Variants in ZBTB7C observed in about 807,000 individuals in gnomAD.
ZBTB7C encodes the protein zinc finger and BTB domain-containing protein 7C.
ZBTB7C carries 8 observed loss-of-function variants against 25.7 expected under a neutral mutation model. The observed-to-expected ratio is 0.31, with a 90% confidence interval of 0.18 to 0.56. The LOEUF (loss-of-function observed/expected upper bound fraction) is 0.56. Among genes scored for constraint, ZBTB7C ranks in the 20% least tolerant of loss-of-function variants. The pLI is 0.91. For synonymous variants in ZBTB7C, 394 were observed against 369.0 expected (o/e 1.07, Z -0.78); for missense variants, 824 against 855.2 (o/e 0.96, Z 0.46).
intron 3 of ZBTB7C, among the ~76,000 whole-genome samples, chr18:48,073,790 G>C (rs919503538): frequency 2.6e-5 from 4 of 152,140 alleles, no homozygotes; most frequent in African/African-American, 4.8e-5. Flanking sequence ...GGCAGGAGAG[G>C]CCTGGGGTGG....
chr18:48,405,292 G>T (rs2048254412), intron 1 of ZBTB7C, among the ~76,000 whole-genome samples: 1 of 151,804 alleles, frequency 6.6e-6, no homozygotes, highest in Admixed American at 6.5e-5. Context: ...GTCAGGGGAG[G>T]AGGCAAAGAG....
intron 2 of ZBTB7C, among the ~76,000 whole-genome samples, chr18:48,212,062 G>A (rs1240824509): frequency 6.6e-6 from 1 of 152,170 alleles, no homozygotes; most frequent in Non-Finnish European, 1.5e-5. Flanking sequence ...CCAAGTAAAA[G>A]AAACCAGTCT....
Position 48,061,436 on chromosome 18 carries a change from C to G in ZBTB7C, c.-16-20313G>C, listed in dbSNP as rs563698989. ...GCTCTCACTCCTTTACCCTTGAGTC[C>G]CTCTTTTCCCTCCACTAGTCCTGAA... On this transcript the variant is annotated intron_variant, in intron 3 of 4. Coordinates refer to ENST00000590800, the MANE Select transcript of ZBTB7C (RefSeq NM_001318841.2). 2.0e-5 allele frequency among the ~76,000 whole-genome samples: 3 copies of G among 152,228 alleles called. No individual in the cohort carries two copies. In the South Asian group the frequency reaches 6.2e-4, roughly 32 times the overall value.
At position 48,320,445 on chromosome 18, in the gene ZBTB7C, G is replaced by A. The variant is rs148906615; in HGVS notation, c.-79+17729C>T. ...GTCAGAGGATCCTGCTGTCCGCTGC[G>A]CCTAGGAGAACTGGGGGCAGAGGCT... is the stretch of plus-strand genomic sequence containing the variant. On this transcript the variant is annotated intron_variant, in intron 2 of 4. Coordinates refer to ENST00000590800, the MANE Select transcript of ZBTB7C (RefSeq NM_001318841.2). 1.4e-4 allele frequency among the ~76,000 whole-genome samples: 22 copies of A among 152,292 alleles called. No homozygotes were observed. The East Asian group carries it at 2.9e-3, about 20-fold the overall frequency.
At chr18:48,170,167 C>G (rs2041420169) in intron 3 of ZBTB7C, among the ~76,000 whole-genome samples, 1 of 152,266 alleles carries the variant, frequency 6.6e-6, no homozygotes, top group Non-Finnish European at 1.5e-5. Context: ...AGCTGCTTAA[C>G]TGCCTTCCAC....
At chr18:48,030,635 G>A (rs898207140) in intron 4 of ZBTB7C, among the ~76,000 whole-genome samples, 4 of 152,078 alleles carry the variant, frequency 2.6e-5, no homozygotes, top group African/African-American at 9.7e-5. Context: ...GTGTAGGGTG[G>A]GGGCGCCTGC....
At chr18:48,115,811 A>G (rs1235064770) in intron 3 of ZBTB7C, among the ~76,000 whole-genome samples, 1 of 152,118 alleles carries the variant, frequency 6.6e-6, no homozygotes, top group Non-Finnish European at 1.5e-5. Context: ...AACAGTTTTT[A>G]GTCCTACATA....
intron 3 of ZBTB7C, among the ~76,000 whole-genome samples, chr18:48,068,694 G>T (rs2037429159): frequency 6.6e-6 from 1 of 152,078 alleles, no homozygotes; most frequent in Non-Finnish European, 1.5e-5. Context: ...CAAATTCCCT[G>T]GGCCCCATCC....
intron 3 of ZBTB7C, among the ~76,000 whole-genome samples, chr18:48,164,551 C>T (rs1001315047): frequency 7.2e-5 from 11 of 152,318 alleles, no homozygotes; most frequent in Non-Finnish European, 4.4e-5. Context: ...CAAGTGCTTA[C>T]CTCGTGATCC....
At position 48,118,298 on chromosome 18, in the gene ZBTB7C, C is replaced by T. The variant is rs567756316; in HGVS notation, c.-17+67636G>A. Among the ~76,000 whole-genome samples, 670 of 152,154 alleles carry T rather than the reference C, an allele frequency of 4.4e-3. 5 individuals are homozygous for T. Among genetic ancestry groups the T allele is most frequent in the South Asian group, 8.7e-3 (42 of 4,810 alleles). Reference sequence around the variant, plus strand: ...TGGGATTACAGGCGTGAGCCACTGCCGCTAGCCTGATCAACCTTTTCTTAT... The same window carrying T: ...TGGGATTACAGGCGTGAGCCACTGCTGCTAGCCTGATCAACCTTTTCTTAT... On this transcript the variant is annotated intron_variant, in intron 3 of 4. Transcript: ENST00000590800.
At chr18:48,263,321 C>A (rs1041609040) in intron 2 of ZBTB7C, among the ~76,000 whole-genome samples, 3 of 152,240 alleles carry the variant, frequency 2.0e-5, no homozygotes, top group Non-Finnish European at 4.4e-5. Context: ...GGCACCAGCA[C>A]GAGCAACTCG....
chr18:48,087,417 C>A (rs2038231385), intron 3 of ZBTB7C, among the ~76,000 whole-genome samples: 1 of 152,190 alleles, frequency 6.6e-6, no homozygotes, highest in Non-Finnish European at 1.5e-5. Context: ...TTCTTATGCT[C>A]ATTACTCTCC....
intron 3 of ZBTB7C, among the ~76,000 whole-genome samples, chr18:48,140,156 G>C (rs146022313): frequency 9.8e-5 from 15 of 152,346 alleles, no homozygotes; most frequent in Admixed American, 9.1e-4. Flanking sequence ...ACATGCTACT[G>C]TCTTAACTTG....
chr18:48,313,089 A>T (rs1212978330), intron 2 of ZBTB7C, among the ~76,000 whole-genome samples: 1 of 151,916 alleles, frequency 6.6e-6, no homozygotes, highest in Non-Finnish European at 1.5e-5. Context: ...TATAACTATC[A>T]CTCCTCTCGT....
intron 2 of ZBTB7C, among the ~76,000 whole-genome samples, chr18:48,205,382 C>T (rs763428128): frequency 1.6e-4 from 25 of 151,804 alleles, no homozygotes; most frequent in Non-Finnish European, 2.8e-4. Flanking sequence ...AATATGGGCA[C>T]AACCTCTACA....
rs1024622430 is a variant in ZBTB7C at position 48,388,131 on chromosome 18, T to C, written c.-304+21095A>G. Among the ~76,000 whole-genome samples, 8 of 152,146 alleles carry C rather than the reference T, an allele frequency of 5.3e-5. No homozygotes were observed. The South Asian group carries it at 1.2e-3, about 24-fold the overall frequency. On this transcript the variant is annotated intron_variant, in intron 1 of 4. Coordinates refer to ENST00000590800, the MANE Select transcript of ZBTB7C (RefSeq NM_001318841.2). ...CGTTAGCCACTGCACCTGGCCTCTG[T>C]AGGTTTGTTTTATGAGCCTGTTTGC...
At chr18:48,060,444 G>A (rs1035988180) in intron 3 of ZBTB7C, among the ~76,000 whole-genome samples, 7 of 152,004 alleles carry the variant, frequency 4.6e-5, no homozygotes, top group Admixed American at 6.6e-5. Flanking sequence ...CAGTGAATCA[G>A]CTTTCACTGT....
chr18:48,264,150 A>C (rs966930794), intron 2 of ZBTB7C, among the ~76,000 whole-genome samples: 9 of 152,218 alleles, frequency 5.9e-5, no homozygotes, highest in African/African-American at 2.2e-4. Context: ...TAATACCTCC[A>C]GTGCGTGGGT....
At chr18:48,158,979 C>G (rs2040920750) in intron 3 of ZBTB7C, among the ~76,000 whole-genome samples, 1 of 152,080 alleles carries the variant, frequency 6.6e-6, no homozygotes, top group Admixed American at 6.5e-5. Context: ...TGGGGAGATA[C>G]AGTGTAGGGG....
Sources: allele counts gnomAD v4.1 joint callset (sites outside exome capture counted in the v4.1 genomes callset), GRCh38; gene constraint gnomAD v4.1.1; transcripts MANE v1.5; gene names NCBI Gene and HGNC (gene_info 2026-07-23, HGNC 2026-07-21).